The following XYLT1 variants were observed in gnomAD, a reference collection of about 807,000 sequenced individuals.
The protein encoded by XYLT1 is beta-D-xylosyltransferase 1.
XYLT1 carries 36 observed loss-of-function variants against 91.3 expected under a neutral mutation model. That is an observed-to-expected ratio of 0.39 (90% CI 0.30 to 0.52). The LOEUF (loss-of-function observed/expected upper bound fraction) is 0.52. Ranked by LOEUF, XYLT1 falls within the 20% of genes least tolerant of loss-of-function variation. XYLT1 has a pLI of 0.68. For synonymous variants in XYLT1, 588 were observed against 532.0 expected, an observed-to-expected ratio of 1.11 and a Z score of -1.45; for missense variants, 1,242 against 1,284.5, an observed-to-expected ratio of 0.97 and a Z score of 0.51.
intron 9 of XYLT1, among the ~76,000 whole-genome samples, chr16:17,133,739 G>A (rs557223251): frequency 6.3e-4 from 96 of 152,172 alleles, no homozygotes; most frequent in Non-Finnish European, 1.2e-3. Context: ...GAGAGGAGAA[G>A]GGATTATGTT....
At chr16:17,364,370 T>C (rs2035422002) in intron 1 of XYLT1, among the ~76,000 whole-genome samples, 1 of 152,214 alleles carries the variant, frequency 6.6e-6, no homozygotes, top group African/African-American at 2.4e-5. Flanking sequence ...AACCCTAAGA[T>C]AGGCTCCTCT....
Position 17,198,203 on chromosome 16 carries a change from C to A in XYLT1, c.1289+9G>T. On this transcript the variant is annotated intron_variant, in intron 5 of 11. Coordinates refer to ENST00000261381, the MANE Select transcript of XYLT1 (RefSeq NM_022166.4). Reference sequence around the variant, plus strand: ...GACAAGACTGGCTTGGGGCCCTTGGCTGCCTTACCTGATGGGGTAGTCGGC... The same window carrying A: ...GACAAGACTGGCTTGGGGCCCTTGGATGCCTTACCTGATGGGGTAGTCGGC... The A allele has an allele frequency of 6.2e-7, 1 of 1,613,858 alleles. No homozygotes were observed. The highest frequency in any genetic ancestry group is 1.1e-5 in the South Asian group (1 of 91,068).
At chr16:17,173,058 A>AAAC (rs1261019077) in intron 5 of XYLT1, among the ~76,000 whole-genome samples, 8 of 144,620 alleles carry the variant, frequency 5.5e-5, no homozygotes, top group Non-Finnish European at 1.2e-4. Context: ...AACAAACAAA[A>AAAC]AAAACCAAAT....
chr16:17,274,963 G>A (rs1459371638), intron 2 of XYLT1, among the ~76,000 whole-genome samples: 1 of 152,084 alleles, frequency 6.6e-6, no homozygotes. Context: ...AATTACTTAA[G>A]CCCAAGAGTT....
intron 2 of XYLT1, among the ~76,000 whole-genome samples, chr16:17,306,223 G>A (rs1017572394): frequency 6.6e-6 from 1 of 152,164 alleles, no homozygotes; most frequent in African/African-American, 2.4e-5. Flanking sequence ...ATAAGCGGTT[G>A]GGAGAGGGAA....
At chr16:17,313,538 G>A (rs1392800108) in intron 2 of XYLT1, among the ~76,000 whole-genome samples, 1 of 152,182 alleles carries the variant, frequency 6.6e-6, no homozygotes, top group Non-Finnish European at 1.5e-5. Flanking sequence ...GGACTGCTTA[G>A]ACCCATGCAC....
chr16:17,158,731 C>T, intron 6 of XYLT1, 98 bp downstream of exon 6: 1 of 1,351,282 alleles, frequency 7.4e-7, no homozygotes, highest in Non-Finnish European at 1.1e-6. Flanking sequence ...CCACCCTCAA[C>T]CTTTCTGTGG....
chr16:17,219,036 C>A (rs1049376370), intron 3 of XYLT1, among the ~76,000 whole-genome samples: 1 of 151,980 alleles, frequency 6.6e-6, no homozygotes, highest in African/African-American at 2.4e-5. Flanking sequence ...AATCCCAGCA[C>A]TTTTGGAGGC....
chr16:17,280,355 A>C (rs1200133694), intron 2 of XYLT1, among the ~76,000 whole-genome samples: 1 of 152,168 alleles, frequency 6.6e-6, no homozygotes, highest in African/African-American at 2.4e-5. Context: ...GTGTCAAAAT[A>C]AATAAATAAA....
At chr16:17,133,993 C>A (rs2030605276) in intron 9 of XYLT1, among the ~76,000 whole-genome samples, 1 of 152,156 alleles carries the variant, frequency 6.6e-6, no homozygotes, top group Non-Finnish European at 1.5e-5. Flanking sequence ...CTGGGATTGA[C>A]TTCAAACTGA....
chr16:17,184,890 C>A (rs1333568321), intron 5 of XYLT1, among the ~76,000 whole-genome samples: 1 of 152,158 alleles, frequency 6.6e-6, no homozygotes, highest in East Asian at 1.9e-4. Flanking sequence ...AGAAAGCAAA[C>A]AAAATAGCAA....
intron 2 of XYLT1, among the ~76,000 whole-genome samples, chr16:17,302,456 T>A (rs1334201423): frequency 6.6e-6 from 1 of 152,098 alleles, no homozygotes; most frequent in Non-Finnish European, 1.5e-5. Flanking sequence ...GAAATTTCCA[T>A]CTGAACTGAG....
In XYLT1 at chr16:17,358,330, T is replaced by G. The variant is rs140991924; in HGVS notation, c.364-280A>C. Among the ~76,000 whole-genome samples the G allele has an allele frequency of 3.8e-3, 578 of 152,050 alleles. 2 individuals carry two copies. The highest frequency in any genetic ancestry group is 6.1e-3 in the Non-Finnish European group (416 of 67,970). The stretch of plus-strand genomic sequence containing the variant: ...AAAAATTATTTTTGTAGAGATGGGG[T>G]CTCGCTATGTTTCCCAGGCTGTTCT... On this transcript the variant is annotated intron_variant, in intron 1 of 11. Transcript: ENST00000261381.
intron 10 of XYLT1, among the ~76,000 whole-genome samples, chr16:17,127,031 G>T (rs1402238751): frequency 2.6e-5 from 4 of 152,198 alleles, no homozygotes; most frequent in African/African-American, 4.8e-5. Context: ...TGTAGCTATT[G>T]CAGCAGCTTA....
chr16:17,139,994 A>G (rs2030914170), intron 7 of XYLT1, among the ~76,000 whole-genome samples: 3 of 152,178 alleles, frequency 2.0e-5, no homozygotes. Context: ...GGGAAGGAAC[A>G]AGGGACCGTT....
intron 1 of XYLT1, among the ~76,000 whole-genome samples, chr16:17,431,522 A>G (rs898257902): frequency 6.6e-6 from 1 of 152,206 alleles, no homozygotes; most frequent in African/African-American, 2.4e-5. Context: ...AAAGTAATTT[A>G]TTTTCTCATC....
chr16:17,276,606 C>T (rs577880253), intron 2 of XYLT1, among the ~76,000 whole-genome samples: 1 of 152,216 alleles, frequency 6.6e-6, no homozygotes, highest in Non-Finnish European at 1.5e-5. Flanking sequence ...CAGAAGGAAA[C>T]TCTGGTCACT....
intron 3 of XYLT1, among the ~76,000 whole-genome samples, chr16:17,241,839 A>G (rs1219803665): frequency 6.6e-6 from 1 of 152,186 alleles, no homozygotes; most frequent in Non-Finnish European, 1.5e-5. Context: ...TCTCCAAAGC[A>G]GGAGTATTAG....
intron 2 of XYLT1, among the ~76,000 whole-genome samples, chr16:17,263,670 G>A (rs1185987189): frequency 1.3e-5 from 2 of 151,532 alleles, no homozygotes; most frequent in Non-Finnish European, 2.9e-5. Context: ...TAGTGACTGC[G>A]GCGTTCTCTC....
Sources: allele counts gnomAD v4.1 joint callset (sites outside exome capture counted in the v4.1 genomes callset), GRCh38; gene constraint gnomAD v4.1.1; transcripts MANE v1.5; gene names NCBI Gene and HGNC (gene_info 2026-07-23, HGNC 2026-07-21).